The following MAML1 variants were observed in gnomAD, a reference collection of about 807,000 sequenced individuals.
The protein encoded by MAML1 is mastermind-like protein 1.
A neutral mutation model predicts 77.1 loss-of-function variants in MAML1; 14 were observed. That is an observed-to-expected ratio of 0.18 (90% CI 0.12 to 0.28). MAML1 has a LOEUF of 0.28. MAML1 is among the 10% of genes least tolerant of loss of function. MAML1 has a pLI of 1.00. For missense variants in MAML1, 1,217 were observed against 1,327.8 expected, an observed-to-expected ratio of 0.92 and a Z score of 1.30; for synonymous variants, 516 against 551.9, an observed-to-expected ratio of 0.93 and a Z score of 0.91.
intron 1 of MAML1, among the ~76,000 whole-genome samples, chr5:179,749,631 T>C (rs189906602): frequency 2.3e-3 from 344 of 152,266 alleles, no homozygotes; most frequent in Middle Eastern, 3.4e-3. Flanking sequence ...TTCCACCAAA[T>C]TGAAAGACTA....
intron 1 of MAML1, among the ~76,000 whole-genome samples, chr5:179,746,488 C>G (rs1162369256): frequency 1.3e-5 from 2 of 152,058 alleles, no homozygotes; most frequent in African/African-American, 4.8e-5. Context: ...ATTCTCCCAC[C>G]TCAGCCTCCC....
At chr5:179,764,617 G>A (rs554606086) in intron 1 of MAML1, among the ~76,000 whole-genome samples, 4 of 150,244 alleles carry the variant, frequency 2.7e-5, no homozygotes, top group South Asian at 2.1e-4. Context: ...CCAAGATCAC[G>A]CCATTGCACT....
At chr5:179,745,809 G>A (rs544228267) in intron 1 of MAML1, among the ~76,000 whole-genome samples, 2 of 139,802 alleles carry the variant, frequency 1.4e-5, no homozygotes, top group African/African-American at 5.3e-5. Context: ...GGAGTGAGCC[G>A]AGATCGTGCC....
At position 179,774,097 on chromosome 5, in the gene MAML1, T is replaced by G. The variant is rs1326165391; in HGVS notation, c.2271T>G (p.Tyr757Ter). ...GSQNMPQSSL[Y>*]GMASGITQIV... ...AAAACATGCCTCAGAGCAGCCTCTA[T>G]GGCATGGCTTCTGGCATAACCCAGA... is the stretch of plus-strand genomic sequence containing the variant. Residue 757 changes from tyrosine (Y) to a stop codon, truncating the protein, a stop_gained, in exon 5 of 5, where the codon TAT becomes TAG. Transcript: ENST00000292599. LOFTEE classifies it high-confidence loss of function. 6.2e-7 allele frequency: 1 copy of G among 1,613,766 alleles called. No homozygotes were observed. Among genetic ancestry groups the G allele is most frequent in the Non-Finnish European group, 8.5e-7 (1 of 1,180,026 alleles).
chr5:179,772,326 C>A (rs566502236), intron 4 of MAML1, among the ~76,000 whole-genome samples: 3 of 152,252 alleles, frequency 2.0e-5, no homozygotes, highest in African/African-American at 7.2e-5. Context: ...ACCATGTTAG[C>A]CAGGCTGATC....
At chr5:179,763,971 T>G (rs1375919597) in intron 1 of MAML1, among the ~76,000 whole-genome samples, 1 of 152,128 alleles carries the variant, frequency 6.6e-6, no homozygotes, top group Non-Finnish European at 1.5e-5. Context: ...CAGCATGTGT[T>G]TGGAAGCTGA....
rs1755904649 is a variant in MAML1 at position 179,768,988 on chromosome 5, C to T, written c.1870C>T (p.His624Tyr). 6.2e-7 allele frequency: 1 copy of T among 1,614,244 alleles called. No homozygotes were observed. Among genetic ancestry groups the T allele is most frequent in the Non-Finnish European group, 8.5e-7 (1 of 1,180,052 alleles). ...SQQQAAVMKQ[H>Y]QLLLDQQKQR... ...GCAACAGGCCGCTGTAATGAAGCAG[C>T]ATCAGTTGCTTTTGGACCAACAGAA... Residue 624 changes from histidine to tyrosine, a missense_variant, in exon 3 of 5, where the codon CAT (histidine) becomes TAT (tyrosine). Around this residue, in one of 3 missense-constraint regions of MAML1, gnomAD observed 884 missense variants for 949.3 expected, o/e 0.93. Coordinates refer to ENST00000292599, the MANE Select transcript of MAML1 (RefSeq NM_014757.5).
At position 179,774,773 on chromosome 5, in the gene MAML1, C is replaced by T. The variant is rs1446856191; in HGVS notation, c.2947C>T (p.Leu983Phe). 3 of 1,613,684 alleles carry T rather than the reference C, an allele frequency of 1.9e-6. No homozygotes were observed. The highest frequency in any genetic ancestry group is 2.2e-5 in the South Asian group (2 of 91,088). Reference sequence around the variant, plus strand: ...TAGCGGGCAGCCAGGTGGCAGTGGGCTCTCTAGTGTGGCTGGACACACCGA... The same window carrying T: ...TAGCGGGCAGCCAGGTGGCAGTGGGTTCTCTAGTGTGGCTGGACACACCGA... ...AYSGQPGGSG[L>F]SSVAGHTDLI... is the part of the protein sequence containing the mutation. The change falls in exon 5 of 5, where the codon CTC becomes TTC. Residue 983 changes from leucine (L) to phenylalanine (F), a missense_variant. Coordinates refer to ENST00000292599, the MANE Select transcript of MAML1 (RefSeq NM_014757.5).
chr5:179,756,836 T>C (rs1779631450), intron 1 of MAML1, among the ~76,000 whole-genome samples: 1 of 152,104 alleles, frequency 6.6e-6, no homozygotes, highest in African/African-American at 2.4e-5. Flanking sequence ...CAGAACTCAA[T>C]GCCTGGTCAT....
At chr5:179,748,014 A>G (rs1409900062) in intron 1 of MAML1, among the ~76,000 whole-genome samples, 1 of 152,120 alleles carries the variant, frequency 6.6e-6, no homozygotes, top group Non-Finnish European at 1.5e-5. Context: ...GGAGTTGTTC[A>G]TGGATATAAC....
intron 1 of MAML1, among the ~76,000 whole-genome samples, chr5:179,750,013 G>T (rs537564139): frequency 1.3e-5 from 2 of 152,358 alleles, no homozygotes; most frequent in South Asian, 2.1e-4. Flanking sequence ...AGAAGCAGAA[G>T]TCAGATCACA....
Position 179,776,669 on chromosome 5 carries a change from C to T in MAML1, c.*1792C>T. 1.1e-5 allele frequency: 11 copies of T among 985,810 alleles called. No individual in the cohort carries two copies. Among genetic ancestry groups the T allele is most frequent in the Non-Finnish European group, 1.3e-5 (11 of 829,978 alleles). The allele number at this position is 985,810 out of a possible 1,614,324, so 61.1% of individuals were successfully genotyped here. A position where few individuals can be genotyped will look rare whatever the true frequency, so the allele number is the denominator to read the frequency against. On this transcript the variant is annotated 3_prime_UTR_variant, in exon 5 of 5. Transcript: ENST00000292599. ...ATCGGCTGAAGGCTGGTTGTGGATC[C>T]TTGTTCCTCTCCTGACCCCATCTGG... is the stretch of plus-strand genomic sequence containing the variant.
chr5:179,733,062 G>T lies in MAML1; in HGVS notation c.-51G>T. On this transcript the variant is annotated 5_prime_UTR_variant, in exon 1 of 5. Coordinates refer to ENST00000292599, the MANE Select transcript of MAML1 (RefSeq NM_014757.5). ...GCGGGGAGCGAAGCCCGCAGTGCCA[G>T]CCGGCCCCGAGAGGCCCGGCCCCGG... The T allele has an allele frequency of 8.6e-7, 1 of 1,164,464 alleles. No homozygotes were observed. The highest frequency in any genetic ancestry group is 1.1e-6 in the Non-Finnish European group (1 of 922,298). The allele number at this position is 1,164,464 out of a possible 1,614,324, so 72.1% of individuals were successfully genotyped here.
In MAML1 at chr5:179,766,131, A is replaced by G; in HGVS notation, c.1121A>G (p.Gln374Arg). Residue 374 changes from glutamine to arginine, a missense_variant, in exon 2 of 5, where the codon CAA (glutamine) becomes CGA (arginine). Physicochemically the swap from Gln to Arg is conservative, Grantham distance 43. Coordinates refer to ENST00000292599, the MANE Select transcript of MAML1 (RefSeq NM_014757.5). The surrounding 1 kb of genome is among the most constrained non-coding windows in gnomAD (Gnocchi z 4.0). Reference sequence around the variant, plus strand: ...GCATCAGCCCAGGCCCAGAACGCACAAAGAGCCCTTGCAGGTGTGGTATTG... The same window carrying G: ...GCATCAGCCCAGGCCCAGAACGCACGAAGAGCCCTTGCAGGTGTGGTATTG... ...MPASAQAQNA[Q>R]RALAGVVLPS... 6.3e-7 allele frequency: 1 copy of G among 1,575,188 alleles called. No individual in the cohort carries two copies. The highest frequency in any genetic ancestry group is 1.4e-5 in the African/African-American group (1 of 73,460).
intron 3 of MAML1, among the ~76,000 whole-genome samples, chr5:179,770,214 C>T (rs913720477): frequency 1.8e-4 from 28 of 152,006 alleles, no homozygotes; most frequent in African/African-American, 5.3e-4. Context: ...TTTGGGAGGC[C>T]GAGGTGGGCG....
chr5:179,735,642 CG>C (rs1340525106), intron 1 of MAML1, among the ~76,000 whole-genome samples: 1 of 151,938 alleles, frequency 6.6e-6, no homozygotes, highest in Non-Finnish European at 1.5e-5. Context: ...CCACCCACCT[CG>C]GCCTCCCAAA....
Position 179,765,556 on chromosome 5 carries a change from G to A in MAML1, c.546G>A (p.Gly182=), listed in dbSNP as rs775726916. 87 of 1,614,002 alleles carry A rather than the reference G, an allele frequency of 5.4e-5. No homozygotes were observed. The highest frequency in any genetic ancestry group is 7.0e-5 in the Non-Finnish European group (83 of 1,180,016). ...ALQSSGKHSL[G]LDSLNKKRLA... is the part of the protein sequence containing the mutation. ...AGTCCAGTGGGAAGCACTCTCTGGG[G>A]CTAGACTCTCTCAACAAAAAGCGTC... Residue 182 remains glycine, a synonymous_variant, in exon 2 of 5, where the codon GGG becomes GGA. Coordinates refer to ENST00000292599, the MANE Select transcript of MAML1 (RefSeq NM_014757.5).
intron 1 of MAML1, among the ~76,000 whole-genome samples, chr5:179,753,650 TATTA>T (rs1330210014): frequency 3.4e-5 from 2 of 57,994 alleles, no homozygotes; most frequent in Non-Finnish European, 6.5e-5. Flanking sequence ...TTATTATTAT[TATTA>T]TTTTTTTTTT....
intron 1 of MAML1, among the ~76,000 whole-genome samples, chr5:179,739,368 A>G (rs1351044055): frequency 1.3e-5 from 2 of 151,676 alleles, no homozygotes; most frequent in African/African-American, 4.8e-5. Flanking sequence ...AGAATAGAAT[A>G]GAACGGAACG....
Sources: gnomAD v4.1 joint callset for allele counts (sites outside exome capture counted in the v4.1 genomes callset) on GRCh38, gnomAD v4.1.1 for gene constraint, gnomAD v4.1.1 regional missense constraint, Gnocchi (gnomAD v3.1) non-coding constraint, MANE v1.5 for transcripts, NCBI Gene and HGNC (gene_info 2026-07-23, HGNC 2026-07-21) for gene names.